ZNF25: variants seen among roughly 807,000 people sequenced by gnomAD.
The protein encoded by ZNF25 is zinc finger protein 25 (KOX 19).
In ZNF25, 21 loss-of-function variants were observed where a neutral mutation model predicts 30.9. That is an observed-to-expected ratio of 0.68 (90% confidence interval 0.48 to 0.98). ZNF25 has a LOEUF of 0.98. Ranked by LOEUF, ZNF25 falls within the 50% of genes least tolerant of loss-of-function variation. The pLI is 0.00. For missense variants in ZNF25, 501 were observed against 529.9 expected (o/e 0.95, Z 0.54); for synonymous variants, 169 against 181.3 (o/e 0.93, Z 0.55).
Position 37,952,903 on chromosome 10 carries a change from C to T in ZNF25, c.595G>A (p.Glu199Lys). 1 of 1,614,194 alleles carries T rather than the reference C, an allele frequency of 6.2e-7. No individual in the cohort carries two copies. Among genetic ancestry groups the T allele is most frequent in the African/African-American group, 1.3e-5 (1 of 75,058 alleles). The change falls in exon 6 of 6, where the codon GAG becomes AAG. Residue 199 changes from glutamate (E) to lysine (K), a missense_variant. Transcript: ENST00000302609. ...LSRHLRTHAG[E>K]KPYECNQCEK... is the part of the protein sequence containing the mutation. ...CACTGATTACATTCATAGGGTTTCT[C>T]TCCTGCATGGGTTCTCAGATGTCTA...
intron 2 of ZNF25, among the ~76,000 whole-genome samples, chr10:37,965,162 G>T (rs1267075328): frequency 6.6e-6 from 1 of 152,156 alleles, no homozygotes; most frequent in East Asian, 1.9e-4. Context: ...GATTTCAGAG[G>T]ATGTACTGGA....
intron 5 of ZNF25, chr10:37,953,403 A>G (rs2062304827): frequency 1.6e-6 from 1 of 613,366 alleles, no homozygotes; most frequent in South Asian, 2.2e-5. Context: ...CTGCATTTGC[A>G]TTCTATTCAC....
At chr10:37,971,083 G>C (rs1204670011) in intron 2 of ZNF25, among the ~76,000 whole-genome samples, 1 of 152,180 alleles carries the variant, frequency 6.6e-6, no homozygotes, top group African/African-American at 2.4e-5. Context: ...GGGAGGCTAA[G>C]GCGGGAGGAT....
intron 2 of ZNF25, among the ~76,000 whole-genome samples, chr10:37,961,238 G>C (rs1038383306): frequency 2.0e-5 from 3 of 152,102 alleles, no homozygotes; most frequent in African/African-American, 7.2e-5. Context: ...ATACACACAT[G>C]GACATTTTAT....
intron 2 of ZNF25, among the ~76,000 whole-genome samples, chr10:37,958,697 A>C (rs1179902661): frequency 6.6e-6 from 1 of 152,144 alleles, no homozygotes; most frequent in Non-Finnish European, 1.5e-5. Flanking sequence ...ATATGAGAGA[A>C]TCGCATGAAC....
intron 3 of ZNF25, 67 bp downstream of exon 3, chr10:37,957,353 T>G (rs925152321): frequency 1.3e-6 from 2 of 1,553,902 alleles, no homozygotes; most frequent in Admixed American, 3.8e-5. Context: ...AGGGACATTT[T>G]ATACTCCAGT....
rs1393642829 is a variant in ZNF25 at position 37,952,645 on chromosome 10, G to T, written c.853C>A (p.Pro285Thr). The T allele has an allele frequency of 1.2e-6, 2 of 1,613,380 alleles. No homozygotes were observed. Among genetic ancestry groups the T allele is most frequent in the Admixed American group, 1.7e-5 (1 of 59,944 alleles). The change falls in exon 6 of 6, where the codon CCC becomes ACC. Residue 285 changes from proline (P) to threonine (T), a missense_variant. Physicochemically the swap from Pro to Thr is conservative, Grantham distance 38. Coordinates refer to ENST00000302609, the MANE Select transcript of ZNF25 (RefSeq NM_145011.4). ...VHQRMHTGEK[P>T]YKCKECGKFF... is the part of the protein sequence containing the mutation. ...TTCCCACATTCCTTACATTTATAGG[G>T]TTTCTCCCCTGTGTGCATTCTCTGA...
rs769291706 is a variant in ZNF25 at position 37,953,683 on chromosome 10, T to A, written c.302+12A>T. On this transcript the variant is annotated intron_variant, in intron 5 of 5. Coordinates refer to ENST00000302609, the MANE Select transcript of ZNF25 (RefSeq NM_145011.4). ...CAAATCTTCTATCTTAAACATTAATTCTTGAACTTGCCTTGAATTTCCAGC... is the reference window on the plus strand; with the variant it reads ...CAAATCTTCTATCTTAAACATTAATACTTGAACTTGCCTTGAATTTCCAGC... 1.7e-5 allele frequency: 28 copies of A among 1,613,206 alleles called. No homozygotes were observed. Among genetic ancestry groups the A allele is most frequent in the African/African-American group, 2.7e-5 (2 of 74,928 alleles).
At chr10:37,964,744 G>C (rs1007340622) in intron 2 of ZNF25, among the ~76,000 whole-genome samples, 5 of 152,204 alleles carry the variant, frequency 3.3e-5, no homozygotes, top group Non-Finnish European at 7.3e-5. Flanking sequence ...TTACAGCCTG[G>C]TCCTGTGGTA....
chr10:37,960,637 A>AAG (rs1385367523), intron 2 of ZNF25, among the ~76,000 whole-genome samples: 1 of 149,700 alleles, frequency 6.7e-6, no homozygotes, highest in South Asian at 2.1e-4. Context: ...AAAAAAAAAA[A>AAG]AAAAAAACAA....
At chr10:37,959,953 C>T (rs1216689984) in intron 2 of ZNF25, among the ~76,000 whole-genome samples, 1 of 151,896 alleles carries the variant, frequency 6.6e-6, no homozygotes, top group Non-Finnish European at 1.5e-5. Flanking sequence ...CTCGCTCTGT[C>T]ACCCAGGCTG....
At chr10:37,964,752 G>T (rs1425172420) in intron 2 of ZNF25, among the ~76,000 whole-genome samples, 1 of 152,202 alleles carries the variant, frequency 6.6e-6, no homozygotes, top group East Asian at 1.9e-4. Context: ...TGGTCCTGTG[G>T]TACAGAAAGA....
chr10:37,951,392 G>C lies in ZNF25; in HGVS notation c.*735C>G, dbSNP rs1244375565. 1 of 152,360 alleles carries C rather than the reference G, an allele frequency of 6.6e-6. No individual in the cohort carries two copies. Among genetic ancestry groups the C allele is most frequent in the Non-Finnish European group, 1.5e-5 (1 of 68,020 alleles). The allele number at this position is 152,360 out of a possible 1,614,324, so 9.4% of individuals were successfully genotyped here. On this transcript the variant is annotated 3_prime_UTR_variant, in exon 6 of 6. Coordinates refer to ENST00000302609, the MANE Select transcript of ZNF25 (RefSeq NM_145011.4). ...ACGCACAAAATCCTATATGCTAACA[G>C]ACATTTAATGTATGTTTAATGATGT...
chr10:37,958,410 AAT>A (rs2062660062), intron 2 of ZNF25, among the ~76,000 whole-genome samples: 1 of 152,214 alleles, frequency 6.6e-6, no homozygotes, highest in Admixed American at 6.5e-5. Context: ...GTGGGTACAT[AAT>A]GGTAGGTATA....
chr10:37,975,857 G>A (rs952978607), intron 1 of ZNF25, among the ~76,000 whole-genome samples: 3 of 152,172 alleles, frequency 2.0e-5, no homozygotes, highest in African/African-American at 7.2e-5. Context: ...TACAAGTCAA[G>A]ACTGGATTTT....
Position 37,957,398 on chromosome 10 carries a change from C to T in ZNF25, c.142+22G>A, listed in dbSNP as rs781350142. 6.8e-6 allele frequency: 11 copies of T among 1,608,628 alleles called. No individual in the cohort carries two copies. The South Asian group carries it at 1.0e-4, about 15-fold the overall frequency. On this transcript the variant is annotated intron_variant, in intron 3 of 5. Transcript: ENST00000302609. ...GATAGATGCAAACTACTGGGATTTA[C>T]ACCTGGGGAAGTTTTCCTCACCCAC...
chr10:37,954,843 GGAACACAT>G lies in ZNF25; in HGVS notation c.239-1093_239-1086del, dbSNP rs547742609. On this transcript the variant is annotated intron_variant, in intron 4 of 5. Coordinates refer to ENST00000302609, the MANE Select transcript of ZNF25 (RefSeq NM_145011.4). ...TAGTGACTTATGCGACGTTAACTCAGGAACACATGAAATAAGATCATATGTATAAGCCA... is the reference window on the plus strand; with the variant it reads ...TAGTGACTTATGCGACGTTAACTCAGGAAATAAGATCATATGTATAAGCCA... 6.3e-4 allele frequency among the ~76,000 whole-genome samples: 96 copies of G among 152,236 alleles called. 2 individuals carry two copies. In the South Asian group the frequency reaches 6.6e-3, roughly 11 times the overall value.
intron 2 of ZNF25, among the ~76,000 whole-genome samples, chr10:37,962,697 TAAC>T (rs970717236): frequency 7.9e-5 from 12 of 152,062 alleles, no homozygotes; most frequent in African/African-American, 2.9e-4. Flanking sequence ...AAATACATGT[TAAC>T]AATATCAAAA....
At chr10:37,956,893 C>T (rs974316262) in intron 4 of ZNF25, 127 bp downstream of exon 4, 13 of 644,176 alleles carry the variant, frequency 2.0e-5, no homozygotes, top group Non-Finnish European at 2.2e-5. Context: ...CCAGCCTGGA[C>T]AACAAGAGTG....
Sources: gnomAD v4.1 joint callset for allele counts (sites outside exome capture counted in the v4.1 genomes callset) on GRCh38, gnomAD v4.1.1 for gene constraint, MANE v1.5 for transcripts, NCBI Gene and HGNC (gene_info 2026-07-23, HGNC 2026-07-21) for gene names.